The following NALF1 variants were observed in gnomAD, a reference collection of about 807,000 sequenced individuals.
NALF1 encodes family with sequence similarity 155 member A.
In NALF1, 3 loss-of-function variants were observed where a neutral mutation model predicts 48.4. The observed-to-expected ratio is 0.06, with a 90% CI of 0.03 to 0.16. NALF1 has a LOEUF of 0.16. Ranked by LOEUF, NALF1 falls within the 10% of genes least tolerant of loss-of-function variation. The pLI, the probability that NALF1 is intolerant of heterozygous loss-of-function variation, is 1.00. For missense variants in NALF1, 526 were observed against 571.5 expected, an observed-to-expected ratio of 0.92 and a Z score of 0.81; for synonymous variants, 262 against 245.7, an observed-to-expected ratio of 1.07 and a Z score of -0.62.
intron 1 of NALF1, among the ~76,000 whole-genome samples, chr13:107,323,201 C>T (rs1272568024): frequency 6.6e-6 from 1 of 152,112 alleles, no homozygotes; most frequent in Admixed American, 6.6e-5. Context: ...ATTGCAAATG[C>T]TTCCGTGCTA....
intron 1 of NALF1, among the ~76,000 whole-genome samples, chr13:107,575,469 C>T (rs1473191407): frequency 6.6e-6 from 1 of 152,100 alleles, no homozygotes; most frequent in Non-Finnish European, 1.5e-5. Context: ...GAGTCCCTGA[C>T]CTGGTTCTTC....
intron 1 of NALF1, among the ~76,000 whole-genome samples, chr13:107,774,223 T>C (rs571222406): frequency 7.9e-5 from 12 of 152,190 alleles, no homozygotes; most frequent in Non-Finnish European, 1.8e-4. Flanking sequence ...TTTAGGTGCA[T>C]AGGTGTGTTA....
chr13:107,287,703 TTTC>T (rs1190429912), intron 1 of NALF1, among the ~76,000 whole-genome samples: 7 of 94,878 alleles, frequency 7.4e-5, no homozygotes, highest in Non-Finnish European at 9.7e-5. Flanking sequence ...TTTTCTTTTC[TTTC>T]TTTTTTTTTT....
intron 1 of NALF1, among the ~76,000 whole-genome samples, chr13:107,745,224 T>C (rs1417776219): frequency 4.6e-5 from 7 of 152,186 alleles, no homozygotes; most frequent in Non-Finnish European, 8.8e-5. Flanking sequence ...TTGAAGCACC[T>C]GTAGAAAGTG....
chr13:107,202,405 T>C (rs1879540325), intron 2 of NALF1, among the ~76,000 whole-genome samples: 1 of 149,452 alleles, frequency 6.7e-6, no homozygotes, highest in African/African-American at 2.4e-5. Context: ...CAATCTATTA[T>C]ATATTATAAA....
chr13:107,680,988 A>G (rs1881287423), intron 1 of NALF1, among the ~76,000 whole-genome samples: 1 of 149,276 alleles, frequency 6.7e-6, no homozygotes, highest in Non-Finnish European at 1.5e-5. Context: ...ATGTCAGTTA[A>G]TTTTTCAGTT....
At chr13:107,781,307 A>C (rs1295815741) in intron 1 of NALF1, among the ~76,000 whole-genome samples, 1 of 152,238 alleles carries the variant, frequency 6.6e-6, no homozygotes, top group Admixed American at 6.5e-5. Flanking sequence ...GCTATATGAC[A>C]GAGTATCTAC....
chr13:107,197,945 T>C (rs922359649), intron 2 of NALF1, among the ~76,000 whole-genome samples: 1 of 152,174 alleles, frequency 6.6e-6, no homozygotes, highest in Admixed American at 6.5e-5. Context: ...AGAAATTAAA[T>C]AAAACAGTTA....
At chr13:107,838,436 G>A (rs577665720) in intron 1 of NALF1, among the ~76,000 whole-genome samples, 5 of 151,902 alleles carry the variant, frequency 3.3e-5, no homozygotes, top group African/African-American at 4.8e-5. Flanking sequence ...TCCTGTAATC[G>A]CTTACACTAT....
chr13:107,569,245 G>A (rs1397120966), intron 1 of NALF1, among the ~76,000 whole-genome samples: 6 of 152,010 alleles, frequency 3.9e-5, no homozygotes, highest in Non-Finnish European at 7.4e-5. Context: ...CGAGGCGGGT[G>A]GATCACGAGG....
intron 1 of NALF1, among the ~76,000 whole-genome samples, chr13:107,754,050 A>G (rs1474697386): frequency 6.6e-6 from 1 of 152,036 alleles, no homozygotes; most frequent in African/African-American, 2.4e-5. Flanking sequence ...AAATAAAGAG[A>G]TTTTCTCTAA....
At chr13:107,657,058 T>C (rs1305562966) in intron 1 of NALF1, among the ~76,000 whole-genome samples, 5 of 151,978 alleles carry the variant, frequency 3.3e-5, no homozygotes, top group Non-Finnish European at 2.9e-5. Flanking sequence ...AGACTACACA[T>C]TGGGTACAAT....
At chr13:107,544,037 T>C (rs374305497) in intron 1 of NALF1, among the ~76,000 whole-genome samples, 8 of 152,210 alleles carry the variant, frequency 5.3e-5, no homozygotes, top group Admixed American at 2.6e-4. Flanking sequence ...AACAACAATC[T>C]AAAAGTCAAA....
At chr13:107,609,062 G>GA (rs1566413279) in intron 1 of NALF1, among the ~76,000 whole-genome samples, 1 of 152,138 alleles carries the variant, frequency 6.6e-6, no homozygotes, top group Non-Finnish European at 1.5e-5. Flanking sequence ...TGGGAGGAAA[G>GA]AAGACTACCT....
At chr13:107,569,173 A>C (rs2138399900) in intron 1 of NALF1, among the ~76,000 whole-genome samples, 1 of 152,278 alleles carries the variant, frequency 6.6e-6, no homozygotes, top group Middle Eastern at 3.4e-3. Context: ...CCATTTATTA[A>C]AAGTGCTACC....
intron 1 of NALF1, among the ~76,000 whole-genome samples, chr13:107,373,906 A>G (rs901930327): frequency 3.9e-5 from 6 of 152,192 alleles, no homozygotes; most frequent in Non-Finnish European, 8.8e-5. Flanking sequence ...TCATTGAAAA[A>G]ATTATGAGAC....
chr13:107,821,317 A>G (rs1483518957), intron 1 of NALF1, among the ~76,000 whole-genome samples: 1 of 152,232 alleles, frequency 6.6e-6, no homozygotes, highest in Admixed American at 6.5e-5. Context: ...ACAGCGACTT[A>G]GCATCAGTAA....
intron 1 of NALF1, among the ~76,000 whole-genome samples, chr13:107,445,640 G>A (rs1188386191): frequency 1.3e-5 from 2 of 152,188 alleles, no homozygotes; most frequent in East Asian, 3.9e-4. Context: ...AACTGCCAAA[G>A]TATTTCCAGA....
rs575363144 is a variant in NALF1 at position 107,589,286 on chromosome 13, C to T, written c.915+276396G>A. On this transcript the variant is annotated intron_variant, in intron 1 of 2. Coordinates refer to ENST00000375915, the MANE Select transcript of NALF1 (RefSeq NM_001080396.3). The stretch of plus-strand genomic sequence containing the variant: ...GTACTACTTTCATCACCGTTAAAAT[C>T]TTGGATGTTCTTCGGGGTCACGAGT... Among the ~76,000 whole-genome samples, 6 of 152,072 alleles carry T rather than the reference C, an allele frequency of 3.9e-5. No individual in the cohort carries two copies. The East Asian group carries it at 7.7e-4, about 20-fold the overall frequency.
Sources: gnomAD v4.1 joint callset for allele counts (sites outside exome capture counted in the v4.1 genomes callset) on GRCh38, gnomAD v4.1.1 for gene constraint, MANE v1.5 for transcripts, NCBI Gene and HGNC (gene_info 2026-07-23, HGNC 2026-07-21) for gene names.